The following NREP variants were observed in gnomAD, a reference collection of about 807,000 sequenced individuals.
The protein encoded by NREP is neuronal regeneration-related protein.
A neutral mutation model predicts 8.6 loss-of-function variants in NREP; 5 were observed. That is an observed-to-expected ratio of 0.58 (90% confidence interval 0.30 to 1.22). The LOEUF (loss-of-function observed/expected upper bound fraction) is 1.22. Ranked by LOEUF, NREP falls within the 50% of genes most tolerant of loss-of-function variation. NREP has a pLI of 0.07. For synonymous variants in NREP, 27 were observed against 28.0 expected (o/e 0.96, Z 0.11); for missense variants, 86 against 82.5 (o/e 1.04, Z -0.17).
chr5:111,758,214 C>G (rs1314488927), upstream of NREP: 17 of 985,406 alleles, frequency 1.7e-5, no homozygotes, highest in Non-Finnish European at 1.8e-5. Context: ...CCTGTGGCTG[C>G]GCGTGCACAC....
chr5:111,892,630 CA>C (rs56208998), intron 2 of NREP, among the ~76,000 whole-genome samples: 19,583 of 151,418 alleles, frequency 0.13, 1,701 homozygotes, highest in African/African-American at 0.24. Flanking sequence ...ACCCAAAAAA[CA>C]AAAAAAGGGA....
intron 2 of NREP, among the ~76,000 whole-genome samples, chr5:111,768,622 A>G (rs1188409671): frequency 6.6e-6 from 1 of 152,214 alleles, no homozygotes; most frequent in East Asian, 1.9e-4. Flanking sequence ...TCGTATTTGA[A>G]TCTCTGTTCC....
At chr5:111,890,693 G>C (rs1396689540) in intron 2 of NREP, among the ~76,000 whole-genome samples, 1 of 152,220 alleles carries the variant, frequency 6.6e-6, no homozygotes, top group Non-Finnish European at 1.5e-5. Flanking sequence ...TGCACCATCT[G>C]AAGCAGTGGC....
chr5:111,900,106 A>G (rs1754606498), intron 2 of NREP, among the ~76,000 whole-genome samples: 1 of 152,158 alleles, frequency 6.6e-6, no homozygotes, highest in African/African-American at 2.4e-5. Context: ...TTGTAAGACC[A>G]TAATGAAATA....
intron 2 of NREP, among the ~76,000 whole-genome samples, chr5:111,891,128 G>A (rs1351860213): frequency 6.6e-6 from 1 of 152,202 alleles, no homozygotes; most frequent in Non-Finnish European, 1.5e-5. Context: ...GCTATTAGAT[G>A]CAGTCGTGCC....
At chr5:111,786,291 C>A (rs917274633) in intron 2 of NREP, among the ~76,000 whole-genome samples, 2 of 152,166 alleles carry the variant, frequency 1.3e-5, no homozygotes, top group African/African-American at 4.8e-5. Flanking sequence ...TTGTAACTTT[C>A]ATGAGGCCTC....
rs552592457 is a variant in NREP at position 111,806,595 on chromosome 5, C to T, written c.136-71088G>A. On this transcript the variant is annotated intron_variant, in intron 2 of 3. Transcript: ENST00000395634. Reference sequence around the variant, plus strand: ...ACAGCCATCAGCCTTGGAAATTGATCTGATTGCAATTTAGCCTAGATTTAT... The same window carrying T: ...ACAGCCATCAGCCTTGGAAATTGATTTGATTGCAATTTAGCCTAGATTTAT... 3.3e-5 allele frequency among the ~76,000 whole-genome samples: 5 copies of T among 152,252 alleles called. No homozygotes were observed. In the East Asian group the frequency reaches 9.6e-4, roughly 29 times the overall value.
At chr5:111,911,912 A>G (rs1017685619) in intron 2 of NREP, among the ~76,000 whole-genome samples, 3 of 152,204 alleles carry the variant, frequency 2.0e-5, no homozygotes, top group Non-Finnish European at 2.9e-5. Flanking sequence ...CCATCCTATA[A>G]GCAAGTACTA....
upstream of NREP, chr5:111,757,754 A>G (rs574075761): frequency 3.1e-6 from 3 of 982,946 alleles, no homozygotes; most frequent in East Asian, 3.4e-4. Flanking sequence ...GCGCGCGCAA[A>G]TCCCCGGCCT....
chr5:111,775,353 T>C (rs957838442), intron 2 of NREP, among the ~76,000 whole-genome samples: 2 of 152,292 alleles, frequency 1.3e-5, no homozygotes, highest in South Asian at 4.1e-4. Context: ...AATCTCCCTG[T>C]GACTTGTGGG....
intron 2 of NREP, among the ~76,000 whole-genome samples, chr5:111,888,339 T>TGGGGGGGGG (rs1554105346): frequency 6.9e-6 from 1 of 144,724 alleles, no homozygotes; most frequent in African/African-American, 2.7e-5. Flanking sequence ...CATTGCTGGG[T>TGGGGGGGGG]GGCGGGGGGG....
rs112490621 is a variant in NREP at position 111,753,487 on chromosome 5, T to C, written c.3+2283A>G. On this transcript the variant is annotated intron_variant, in intron 2 of 3. Transcript: ENST00000257435. ...GTAAAACATTATCATTTTAGATACGTAAAAAGTCTAGATATTGAGTCACTG... is the reference window on the plus strand; with the variant it reads ...GTAAAACATTATCATTTTAGATACGCAAAAAGTCTAGATATTGAGTCACTG... 4.0e-3 allele frequency among the ~76,000 whole-genome samples: 608 copies of C among 151,676 alleles called. 4 individuals carry two copies. The highest frequency in any genetic ancestry group is 0.014 in the African/African-American group (586 of 41,452).
At chr5:111,734,966 T>C (rs746789705) in intron 3 of NREP, 6 of 404,626 alleles carry the variant, frequency 1.5e-5, no homozygotes, top group South Asian at 8.1e-5. Context: ...AAACCACGTT[T>C]ATAAAAAATG....
At chr5:111,856,250 A>G (rs1753425115) in intron 2 of NREP, among the ~76,000 whole-genome samples, 1 of 152,176 alleles carries the variant, frequency 6.6e-6, no homozygotes, top group African/African-American at 2.4e-5. Flanking sequence ...AAAACTTTAC[A>G]GAATAATTAC....
intron 2 of NREP, among the ~76,000 whole-genome samples, chr5:111,930,835 G>C (rs1755516946): frequency 1.3e-5 from 2 of 152,140 alleles, no homozygotes; most frequent in Non-Finnish European, 2.9e-5. Context: ...TGTGGTCAAG[G>C]AGTTAAGACA....
At chr5:111,974,765 G>T (rs1048908492) in intron 2 of NREP, among the ~76,000 whole-genome samples, 2 of 152,114 alleles carry the variant, frequency 1.3e-5, no homozygotes, top group African/African-American at 4.8e-5. Flanking sequence ...ATTTCCCATT[G>T]TACTTTCAAG....
At chr5:111,924,978 T>C (rs1336797510) in intron 2 of NREP, among the ~76,000 whole-genome samples, 1 of 152,020 alleles carries the variant, frequency 6.6e-6, no homozygotes, top group Non-Finnish European at 1.5e-5. Flanking sequence ...CATGTGTAAA[T>C]AGTAGGTCCC....
intron 2 of NREP, among the ~76,000 whole-genome samples, chr5:111,895,987 A>G (rs1296530900): frequency 6.6e-6 from 1 of 152,208 alleles, no homozygotes; most frequent in Non-Finnish European, 1.5e-5. Flanking sequence ...ACCCTGCTAT[A>G]GCTCATGGTA....
At chr5:111,886,046 T>C (rs1157098878) in intron 2 of NREP, among the ~76,000 whole-genome samples, 1 of 152,078 alleles carries the variant, frequency 6.6e-6, no homozygotes, top group African/African-American at 2.4e-5. Flanking sequence ...GCCTCCAAAA[T>C]GGGAGAAAAT....
Sources: allele counts gnomAD v4.1 joint callset (sites outside exome capture counted in the v4.1 genomes callset), GRCh38; gene constraint gnomAD v4.1.1; transcripts MANE v1.5; gene names NCBI Gene and HGNC (gene_info 2026-07-23, HGNC 2026-07-21).